The following SPATA6 variants were observed in gnomAD, a reference collection of about 807,000 sequenced individuals.
The protein encoded by SPATA6 is spermatogenesis-associated protein 6.
SPATA6 carries 56 observed loss-of-function variants against 65.3 expected under a neutral mutation model. The ratio of observed to expected loss-of-function variants is 0.86; its 90% CI spans 0.69 to 1.07. The LOEUF is 1.07. SPATA6 is among the 50% of genes least tolerant of loss of function. The pLI is 0.00. For missense variants in SPATA6, 590 were observed against 594.8 expected (o/e 0.99, Z 0.08); for synonymous variants, 199 against 213.2 (o/e 0.93, Z 0.58).
chr1:48,364,974 T>C (rs1646950411), intron 9 of SPATA6, among the ~76,000 whole-genome samples: 1 of 152,258 alleles, frequency 6.6e-6, no homozygotes, highest in Non-Finnish European at 1.5e-5. Context: ...TTAGTTTTTG[T>C]ATAAGGTGTA....
chr1:48,296,469 C>G lies in SPATA6; in HGVS notation c.*2244G>C, dbSNP rs1191683324. 6.6e-6 allele frequency: 1 copy of G among 152,108 alleles called. No homozygotes were observed. Among genetic ancestry groups the G allele is most frequent in the Admixed American group, 6.6e-5 (1 of 15,266 alleles). 9.4% of individuals were successfully genotyped at this position (152,108 alleles called of 1,614,324 possible). A position where few individuals can be genotyped will look rare whatever the true frequency, so the allele number is the denominator to read the frequency against. On this transcript the variant is annotated 3_prime_UTR_variant, in exon 13 of 13. Coordinates refer to ENST00000371847, the MANE Select transcript of SPATA6 (RefSeq NM_019073.4). ...TCCCTTTCAGCCCTACTTTTTGCAG[C>G]CTTTTTCACAGCCAATGGCAGATAC...
intron 3 of SPATA6, among the ~76,000 whole-genome samples, chr1:48,427,227 A>G (rs1047982879): frequency 5.3e-5 from 8 of 152,140 alleles, no homozygotes; most frequent in African/African-American, 7.2e-5. Flanking sequence ...CACACACCCA[A>G]TCAGAAATCA....
intron 3 of SPATA6, among the ~76,000 whole-genome samples, chr1:48,442,106 C>T (rs1045679771): frequency 3.9e-5 from 6 of 152,150 alleles, no homozygotes; most frequent in African/African-American, 1.2e-4. Context: ...ACCTATATAA[C>T]GATGGAAGTT....
chr1:48,399,025 C>T (rs940972275), intron 7 of SPATA6: 8 of 201,524 alleles, frequency 4.0e-5, no homozygotes, highest in African/African-American at 1.8e-4. Flanking sequence ...TAAAGCCCTA[C>T]TCTGCCATTT....
chr1:48,368,227 C>T (rs535203444), intron 9 of SPATA6, among the ~76,000 whole-genome samples: 3 of 152,268 alleles, frequency 2.0e-5, no homozygotes, highest in Non-Finnish European at 4.4e-5. Context: ...GTGCCCTTAA[C>T]ATTTTGCCTT....
In SPATA6 at chr1:48,297,552, TA is replaced by T. The variant is rs2148631152; in HGVS notation, c.*1160del. 6.6e-6 allele frequency: 1 copy of T among 152,328 alleles called. No individual in the cohort carries two copies. Among genetic ancestry groups the T allele is most frequent in the African/African-American group, 2.4e-5 (1 of 41,586 alleles). 9.4% of individuals were successfully genotyped at this position (152,328 alleles called of 1,614,324 possible). A position where few individuals can be genotyped will look rare whatever the true frequency, so the allele number is the denominator to read the frequency against. On this transcript the variant is annotated 3_prime_UTR_variant, in exon 13 of 13. Transcript: ENST00000371847. Reference sequence around the variant, plus strand: ...TTTTGTTCTTTTTCAATCATAACTGTAAAATTAATCAAAAACAGAGTCAATG... The same window carrying T: ...TTTTGTTCTTTTTCAATCATAACTGTAAATTAATCAAAAACAGAGTCAATG...
chr1:48,445,060 T>C (rs1655883922), intron 3 of SPATA6, among the ~76,000 whole-genome samples: 1 of 152,206 alleles, frequency 6.6e-6, no homozygotes, highest in African/African-American at 2.4e-5. Flanking sequence ...CAATAGGAAA[T>C]GTATATATGA....
chr1:48,403,817 C>T lies in SPATA6; in HGVS notation c.471G>A (p.Arg157=). 6.2e-7 allele frequency: 1 copy of T among 1,607,892 alleles called. No homozygotes were observed. The highest frequency in any genetic ancestry group is 8.5e-7 in the Non-Finnish European group (1 of 1,177,466). ...TAATTTTAACCTGAGTGTGGCATTT[C>T]CTTGAACTTATCAGACATTCAGTAA... The part of the protein sequence containing the change: ...SVITECLISS[R]KCHTQDKFIY... Residue 157 remains arginine (R), a synonymous_variant, in exon 6 of 13, where the codon AGG becomes AGA. Transcript: ENST00000371847.
chr1:48,308,362 C>A (rs941180351), intron 11 of SPATA6, among the ~76,000 whole-genome samples: 8 of 151,890 alleles, frequency 5.3e-5, no homozygotes, highest in Non-Finnish European at 8.8e-5. Context: ...TTTACAGTCC[C>A]TCCCCTTTTA....
intron 3 of SPATA6, chr1:48,436,516 A>G: frequency 6.2e-7 from 1 of 1,611,796 alleles, no homozygotes; most frequent in Non-Finnish European, 8.5e-7. Flanking sequence ...TATTCACAGG[A>G]GTATTAAAGC....
intron 8 of SPATA6, 65 bp downstream of exon 8, chr1:48,395,202 C>T: frequency 7.9e-7 from 1 of 1,273,870 alleles, no homozygotes; most frequent in Non-Finnish European, 1.1e-6. Flanking sequence ...TAATTGATGC[C>T]AAATTAAAGG....
chr1:48,470,601 G>A (rs868352250), intron 1 of SPATA6, among the ~76,000 whole-genome samples: 2 of 152,058 alleles, frequency 1.3e-5, no homozygotes, highest in African/African-American at 4.8e-5. Flanking sequence ...TCTGCCCCAC[G>A]CACACTTGCC....
Position 48,309,592 on chromosome 1 carries a change from T to A in SPATA6, c.1195-3714A>T, listed in dbSNP as rs996226656. ...CTTTTGGTTCTTTGAATAACTATAT[T>A]TAACATAACTGATTTATGGTCTTTG... is the stretch of plus-strand genomic sequence containing the variant. On this transcript the variant is annotated intron_variant, in intron 11 of 12. Transcript: ENST00000371847. 2.6e-5 allele frequency among the ~76,000 whole-genome samples: 4 copies of A among 152,324 alleles called. No individual in the cohort carries two copies. The East Asian group carries it at 7.7e-4, about 29-fold the overall frequency.
chr1:48,278,411 G>C, the SPATA6 span, among the ~76,000 whole-genome samples: 7 of 152,210 alleles, frequency 4.6e-5, no homozygotes, highest in African/African-American at 7.2e-5. Flanking sequence ...TCAAACCAAA[G>C]GCAAAGAGGT....
chr1:48,435,173 G>A (rs2148074467), intron 3 of SPATA6, among the ~76,000 whole-genome samples: 1 of 152,188 alleles, frequency 6.6e-6, no homozygotes, highest in East Asian at 1.9e-4. Context: ...AATAAACAAG[G>A]AACATTTTAA....
intron 11 of SPATA6, chr1:48,325,656 G>GAAGCCCCAGT (rs747352359): frequency 7.8e-6 from 5 of 640,636 alleles, no homozygotes; most frequent in Non-Finnish European, 1.4e-5. Context: ...TCCTCCTCTG[G>GAAGCCCCAGT]AAGCCCCAGT....
chr1:48,285,197 T>G, the SPATA6 span, among the ~76,000 whole-genome samples: 3 of 152,060 alleles, frequency 2.0e-5, no homozygotes, highest in Admixed American at 6.6e-5. Flanking sequence ...CTCCTCCCAG[T>G]TCAAACTTCC....
At chr1:48,400,167 A>G (rs1388898797) in intron 6 of SPATA6, among the ~76,000 whole-genome samples, 1 of 151,888 alleles carries the variant, frequency 6.6e-6, no homozygotes, top group Non-Finnish European at 1.5e-5. Context: ...AACTCTATAC[A>G]TATTTTAATG....
intron 9 of SPATA6, among the ~76,000 whole-genome samples, chr1:48,385,003 A>G (rs183851007): frequency 6.6e-6 from 1 of 152,226 alleles, no homozygotes; most frequent in Non-Finnish European, 1.5e-5. Flanking sequence ...TTTGGAAATA[A>G]TACCATGTAA....
Sources: gnomAD v4.1 joint callset for allele counts (sites outside exome capture counted in the v4.1 genomes callset) on GRCh38, gnomAD v4.1.1 for gene constraint, MANE v1.5 for transcripts, NCBI Gene and HGNC (gene_info 2026-07-23, HGNC 2026-07-21) for gene names.